Variants in PRC1 observed in about 807,000 individuals in gnomAD.
PRC1 encodes the protein protein regulator of cytokinesis 1.
In PRC1, 54 loss-of-function variants were observed where a neutral mutation model predicts 91.2. The ratio of observed to expected loss-of-function variants is 0.59; its 90% CI spans 0.48 to 0.74. PRC1 has a LOEUF of 0.74. Ranked by LOEUF, PRC1 falls within the 30% of genes least tolerant of loss-of-function variation. The probability of loss-of-function intolerance (pLI) is 0.00; values close to 1 mark genes in which losing one functional copy is unlikely to be tolerated. For synonymous variants in PRC1, 275 were observed against 263.6 expected (o/e 1.04, Z -0.42); for missense variants, 727 against 746.2 (o/e 0.97, Z 0.30).
At chr15:90,980,842 C>G (rs748752870) in intron 6 of PRC1, 42 bp downstream of exon 6, 2 of 1,613,006 alleles carry the variant, frequency 1.2e-6, no homozygotes, top group South Asian at 2.2e-5. Context: ...CACAGAAGTG[C>G]TAAGAGAAGA....
intron 3 of PRC1, chr15:90,983,634 TTCATAGTATTCCTTTTA>T (rs2039369320): frequency 6.5e-6 from 1 of 154,582 alleles, no homozygotes; most frequent in East Asian, 1.9e-4. Context: ...GGTTGGTGTT[TTCATAGTATTCCTTTTA>T]ATCATTAGTT....
At chr15:90,967,794 C>T in intron 14 of PRC1, 1 of 963,714 alleles carries the variant, frequency 1.0e-6, no homozygotes, top group Non-Finnish European at 1.2e-6. Flanking sequence ...TGAAATTGCC[C>T]CACATTCTCA....
intron 1 of PRC1, chr15:90,988,677 C>T (rs894066939): frequency 6.6e-6 from 1 of 152,290 alleles, no homozygotes; most frequent in Non-Finnish European, 1.5e-5. Flanking sequence ...TATGCCACCA[C>T]CTCCTCTGGA....
Position 90,981,013 on chromosome 15 carries a change from T to G in PRC1, c.693A>C (p.Gln231His), listed in dbSNP as rs761956294. The change falls in exon 6 of 15, where the codon CAA becomes CAC. Residue 231 changes from glutamine to histidine, a missense_variant. Physicochemically the swap from Gln to His is conservative, Grantham distance 24 (BLOSUM62 0). Coordinates refer to ENST00000394249, the MANE Select transcript of PRC1 (RefSeq NM_003981.4). Reference sequence around the variant, plus strand: ...GCAGCCCCTCACACACTGCTTCATTTTGTGATTTCTGCATTTCCAGCTACA... The same window carrying G: ...GCAGCCCCTCACACACTGCTTCATTGTGTGATTTCTGCATTTCCAGCTACA... ...LLRQLEMQKSQNEAVCEGLRT... is the reference protein window; with the variant it reads ...LLRQLEMQKSHNEAVCEGLRT... 31 of 1,614,098 alleles carry G rather than the reference T, an allele frequency of 1.9e-5. No individual in the cohort carries two copies. Among genetic ancestry groups the G allele is most frequent in the Middle Eastern group, 3.3e-4 (2 of 6,084 alleles).
intron 1 of PRC1, among the ~76,000 whole-genome samples, chr15:90,991,594 A>T (rs1027183208): frequency 6.6e-6 from 1 of 152,082 alleles, no homozygotes; most frequent in Non-Finnish European, 1.5e-5. Context: ...TCTTCCTAAC[A>T]TTCAAATTGT....
chr15:90,966,777 C>A lies in PRC1; in HGVS notation c.*354G>T. ...CAGGTATACATGCCAAAATTACCCC[C>A]AGGGATGGGCATAGTCAATCATTTT... On this transcript the variant is annotated 3_prime_UTR_variant, in exon 15 of 15. Transcript: ENST00000394249. The A allele has an allele frequency of 2.3e-6, 1 of 431,630 alleles. No individual in the cohort carries two copies. Among genetic ancestry groups the A allele is most frequent in the Non-Finnish European group, 4.5e-6 (1 of 221,358 alleles). 26.7% of individuals were successfully genotyped at this position (431,630 alleles called of 1,614,324 possible).
At chr15:90,968,903 A>G in intron 14 of PRC1, 176 bp downstream of exon 14, 1 of 1,418,776 alleles carries the variant, frequency 7.0e-7, no homozygotes, top group Non-Finnish European at 9.3e-7. Flanking sequence ...AATTTTATTA[A>G]TTAATCTGTT....
chr15:90,976,170 C>G (rs933588347), intron 9 of PRC1, among the ~76,000 whole-genome samples: 1 of 152,118 alleles, frequency 6.6e-6, no homozygotes, highest in African/African-American at 2.4e-5. Flanking sequence ...CTCACTGCAA[C>G]CTCTGCCTCC....
chr15:90,979,524 ATGT>A (rs1196596260), intron 7 of PRC1, among the ~76,000 whole-genome samples: 2 of 152,190 alleles, frequency 1.3e-5, no homozygotes, highest in Admixed American at 6.5e-5. Flanking sequence ...GACTAAAATA[ATGT>A]TGTCAAAAAT....
chr15:90,969,761 A>ACCATAT (rs1567179447), intron 12 of PRC1, 138 bp from the exon 13 acceptor site: 81 of 144,044 alleles, frequency 5.6e-4, no homozygotes, highest in Middle Eastern at 1.9e-3. Flanking sequence ...TTAAAAAAAA[A>ACCATAT]ACATATATAT....
At chr15:90,973,160 T>G (rs981518527) in intron 11 of PRC1, 8 of 152,322 alleles carry the variant, frequency 5.3e-5, no homozygotes, top group African/African-American at 1.7e-4. Flanking sequence ...AAGGAAGACA[T>G]AAACTCCATT....
At chr15:90,969,790 A>ATATATATATATG (rs2037929597) in intron 12 of PRC1, among the ~76,000 whole-genome samples, 167 bp from the exon 13 acceptor site, 2 of 108,834 alleles carry the variant, frequency 1.8e-5, no homozygotes, top group African/African-American at 8.1e-5. Context: ...ATATATATAT[A>ATATATATATATG]TATATATATA....
At position 90,966,909 on chromosome 15, in the gene PRC1, CTT is replaced by C. The variant is rs2037541877; in HGVS notation, c.*220_*221del. The C allele has an allele frequency of 1.7e-6, 1 of 573,442 alleles. No homozygotes were observed. The highest frequency in any genetic ancestry group is 3.1e-5 in the Admixed American group (1 of 32,420). The allele number at this position is 573,442 out of a possible 1,614,324, so 35.5% of individuals were successfully genotyped here. On this transcript the variant is annotated 3_prime_UTR_variant, in exon 15 of 15. Transcript: ENST00000394249. ...TAAAATTTGCACTTCTTGCCATAAACTTTTCATGTATATAAGTCAAAACCAAG... is the reference window on the plus strand; with the variant it reads ...TAAAATTTGCACTTCTTGCCATAAACTTCATGTATATAAGTCAAAACCAAG...
rs767529834 is a variant in PRC1 at position 90,981,591 on chromosome 15, T to G, written c.580A>C (p.Thr194Pro). 2 of 1,614,044 alleles carry G rather than the reference T, an allele frequency of 1.2e-6. No individual in the cohort carries two copies. The highest frequency in any genetic ancestry group is 2.2e-5 in the South Asian group (2 of 91,080). Residue 194 changes from threonine (T) to proline (P), a missense_variant, in exon 5 of 15, where the codon ACA becomes CCA. Thr to Pro is a conservative substitution (Grantham distance 38). Coordinates refer to ENST00000394249, the MANE Select transcript of PRC1 (RefSeq NM_003981.4). ...CACACCACATCTCTTTCAAAGCTTG[T>G]GTCTGGGGTGTGGTCTAATGCTTCC... ...CMEALDHTPD[T>P]SFERDVVCED...
intron 1 of PRC1, among the ~76,000 whole-genome samples, chr15:90,993,210 A>ATT: frequency 1.7e-5 from 2 of 114,752 alleles, no homozygotes; most frequent in Non-Finnish European, 1.6e-5. Flanking sequence ...CTGTTAATGG[A>ATT]CTTTTTTTTT....
chr15:90,987,479 AG>A (rs1404861095), intron 1 of PRC1, among the ~76,000 whole-genome samples: 1 of 152,196 alleles, frequency 6.6e-6, no homozygotes, highest in Non-Finnish European at 1.5e-5. Flanking sequence ...AATTACCAAA[AG>A]CTTATTTTAA....
chr15:90,975,359 G>C (rs2038583197), intron 9 of PRC1, among the ~76,000 whole-genome samples: 1 of 152,150 alleles, frequency 6.6e-6, no homozygotes, highest in Non-Finnish European at 1.5e-5. Flanking sequence ...TGGGATTACA[G>C]GAGTGAGACA....
rs77938393 is a variant in PRC1, at chr15:90,974,151, C to G, written c.1446G>C (p.Pro482=). Reference sequence around the variant, plus strand: ...TTGTGTTTACCTTACGTGCTTTGCCCGGTGTATTGGGAGCCAGTCCTCGCC... The same window carrying G: ...TTGTGTTTACCTTACGTGCTTTGCCGGGTGTATTGGGAGCCAGTCCTCGCC... ...SKRRGLAPNT[P]GKARKLNTTT... Residue 482 remains proline, a synonymous_variant, in exon 11 of 15, where the codon CCG becomes CCC. Coordinates refer to ENST00000394249, the MANE Select transcript of PRC1 (RefSeq NM_003981.4). The surrounding 1 kb of genome is among the most constrained non-coding windows in gnomAD (Gnocchi z 4.6). 1 of 1,613,882 alleles carries G rather than the reference C, an allele frequency of 6.2e-7. No individual in the cohort carries two copies. Among genetic ancestry groups the G allele is most frequent in the South Asian group, 1.1e-5 (1 of 91,068 alleles).
chr15:90,974,210 G>A lies in PRC1; in HGVS notation c.1387C>T (p.Leu463=). The change falls in exon 11 of 15, where the codon CTG becomes TTG. Residue 463 remains leucine (L), a synonymous_variant. Transcript: ENST00000394249. This position sits in a 1 kb window ranked among gnomAD's most constrained non-coding sequence, Gnocchi z 4.6. ...GGTGTTCGAGGAGCGCTGCCATACAGCATCTCTGTCTCTGTCTGTTTTTTG... is the reference window on the plus strand; with the variant it reads ...GGTGTTCGAGGAGCGCTGCCATACAACATCTCTGTCTCTGTCTGTTTTTTG... The part of the protein sequence containing the change: ...KNKKQTETEM[L]YGSAPRTPSK... 1.2e-6 allele frequency: 2 copies of A among 1,614,196 alleles called. No individual in the cohort carries two copies. Among genetic ancestry groups the A allele is most frequent in the Non-Finnish European group, 1.7e-6 (2 of 1,180,026 alleles).
Sources: allele counts gnomAD v4.1 joint callset (sites outside exome capture counted in the v4.1 genomes callset), GRCh38; gene constraint gnomAD v4.1.1; non-coding constraint Gnocchi (gnomAD v3.1); transcripts MANE v1.5; gene names NCBI Gene and HGNC (gene_info 2026-07-23, HGNC 2026-07-21).